ZNF385D: variants seen among roughly 807,000 people sequenced by gnomAD.
ZNF385D encodes zinc finger protein 659.
In ZNF385D, 15 loss-of-function variants were observed where a neutral mutation model predicts 35.8. The ratio of observed to expected loss-of-function variants is 0.42; its 90% CI spans 0.28 to 0.64. ZNF385D has a LOEUF of 0.64. Ranked by LOEUF, ZNF385D falls within the 30% of genes least tolerant of loss-of-function variation. ZNF385D has a pLI of 0.23. For synonymous variants in ZNF385D, 212 were observed against 186.8 expected, an observed-to-expected ratio of 1.13 and a Z score of -1.10; for missense variants, 474 against 494.6, an observed-to-expected ratio of 0.96 and a Z score of 0.39.
intron 2 of ZNF385D, among the ~76,000 whole-genome samples, chr3:22,229,248 T>A (rs573868218): frequency 1.3e-5 from 2 of 152,334 alleles, no homozygotes; most frequent in East Asian, 3.9e-4. Context: ...TTATGTTTGC[T>A]TTTGACTTTC....
At chr3:22,282,526 G>A (rs1053483285) in intron 2 of ZNF385D, among the ~76,000 whole-genome samples, 2 of 152,002 alleles carry the variant, frequency 1.3e-5, no homozygotes, top group African/African-American at 2.4e-5. Context: ...TAATTTCCAT[G>A]TGTTTGCATA....
intron 4 of ZNF385D, among the ~76,000 whole-genome samples, chr3:21,501,580 T>C (rs1706370418): frequency 6.6e-6 from 1 of 152,236 alleles, no homozygotes; most frequent in South Asian, 2.1e-4. Flanking sequence ...CACTTTTCCA[T>C]ATTGGAGACA....
intron 4 of ZNF385D, among the ~76,000 whole-genome samples, chr3:21,449,759 A>T (rs1452517732): frequency 2.0e-5 from 3 of 152,208 alleles, no homozygotes; most frequent in African/African-American, 7.2e-5. Flanking sequence ...AAGCCTTATC[A>T]TGGATGTGAG....
Position 22,266,474 on chromosome 3 carries a change from C to T in ZNF385D, c.107-97439G>A, listed in dbSNP as rs531172204. Among the ~76,000 whole-genome samples, 22 of 151,908 alleles carry T rather than the reference C, an allele frequency of 1.4e-4. 1 individual carries two copies. Among genetic ancestry groups the T allele is most frequent in the African/African-American group, 5.1e-4 (21 of 41,490 alleles). ...ACATAGTCAGCTGGCTGACTGCTAT[C>T]TTATTTAGCTTGAAGAAGCTACCAA... On this transcript the variant is annotated intron_variant, in intron 2 of 5. Transcript: ENST00000494108.
At chr3:22,294,479 G>A (rs1056849211) in intron 2 of ZNF385D, among the ~76,000 whole-genome samples, 2 of 152,136 alleles carry the variant, frequency 1.3e-5, no homozygotes, top group South Asian at 2.1e-4. Flanking sequence ...AATATATAAT[G>A]GGTATTATAT....
chr3:22,302,791 CAT>C (rs781352418), intron 2 of ZNF385D, among the ~76,000 whole-genome samples: 44 of 151,964 alleles, frequency 2.9e-4, no homozygotes, highest in Non-Finnish European at 4.6e-4. Context: ...AAAGGCCTCA[CAT>C]GTCTTTCATT....
chr3:21,571,142 G>T (rs763961689), intron 2 of ZNF385D, among the ~76,000 whole-genome samples: 5 of 152,072 alleles, frequency 3.3e-5, no homozygotes, highest in Non-Finnish European at 7.4e-5. Context: ...CAGCAATCAA[G>T]TCTCTCAGTC....
chr3:21,556,053 G>GTTTTTTTTTTTTTTT (rs1209768767), intron 3 of ZNF385D, among the ~76,000 whole-genome samples: 1 of 110,788 alleles, frequency 9.0e-6, no homozygotes, highest in African/African-American at 3.4e-5. Context: ...ACTTTTTGAC[G>GTTTTTTTTTTTTTTT]TTTTTTTTGT....
chr3:21,729,232 G>T (rs1376628061), intron 1 of ZNF385D, among the ~76,000 whole-genome samples: 2 of 152,034 alleles, frequency 1.3e-5, no homozygotes, highest in African/African-American at 4.8e-5. Flanking sequence ...TACACCTTGA[G>T]GCATAAAGAC....
chr3:21,565,256 C>A (rs62236133), intron 2 of ZNF385D, among the ~76,000 whole-genome samples: 1 of 151,852 alleles, frequency 6.6e-6, no homozygotes, highest in African/African-American at 2.4e-5. Flanking sequence ...AGAATGTTAA[C>A]CTGTGGACTT....
intron 2 of ZNF385D, among the ~76,000 whole-genome samples, chr3:21,617,540 A>ATT (rs559347134): frequency 2.1e-4 from 32 of 152,292 alleles, no homozygotes; most frequent in African/African-American, 7.7e-4. Context: ...TCCTCGGAAC[A>ATT]ACCCCACGAG....
chr3:21,786,386 G>A lies in ZNF385D; in HGVS notation c.326-121358C>T, dbSNP rs545684936. Among the ~76,000 whole-genome samples the A allele has an allele frequency of 3.1e-4, 47 of 152,206 alleles. No homozygotes were observed. The South Asian group carries it at 7.5e-3, about 24-fold the overall frequency. ...AACACAGTACTCCTTTAGGGAAGTC[G>A]GCATTTTTTTTTTCTTCGTTGTTTG... On this transcript the variant is annotated intron_variant, in intron 3 of 5. Coordinates refer to the ZNF385D transcript ENST00000494108.
chr3:21,788,064 G>A (rs1183861251), intron 3 of ZNF385D, among the ~76,000 whole-genome samples: 1 of 149,326 alleles, frequency 6.7e-6, no homozygotes, highest in African/African-American at 2.5e-5. Context: ...AAAGAATGAT[G>A]TGATGCAAAT....
intron 3 of ZNF385D, among the ~76,000 whole-genome samples, chr3:22,106,731 C>CT (rs1158542792): frequency 6.6e-6 from 1 of 152,160 alleles, no homozygotes; most frequent in Non-Finnish European, 1.5e-5. Context: ...TCCAGAATCC[C>CT]TACAAATTGC....
intron 2 of ZNF385D, among the ~76,000 whole-genome samples, chr3:22,193,949 T>C (rs1373931262): frequency 6.6e-6 from 1 of 152,120 alleles, no homozygotes; most frequent in African/African-American, 2.4e-5. Flanking sequence ...GGTAGTGCAT[T>C]TTTTCCTTAA....
chr3:21,455,391 T>C (rs751710729), intron 4 of ZNF385D, among the ~76,000 whole-genome samples: 2 of 152,066 alleles, frequency 1.3e-5, no homozygotes, highest in Non-Finnish European at 2.9e-5. Context: ...AACAGAGACA[T>C]AGACCAATGG....
At chr3:22,065,771 T>G (rs1699916104) in intron 3 of ZNF385D, among the ~76,000 whole-genome samples, 1 of 152,198 alleles carries the variant, frequency 6.6e-6, no homozygotes, top group Non-Finnish European at 1.5e-5. Context: ...CTATCATGAC[T>G]TAAGGGCACC....
At chr3:21,427,460 A>G (rs1701074795) in intron 5 of ZNF385D, among the ~76,000 whole-genome samples, 1 of 152,148 alleles carries the variant, frequency 6.6e-6, no homozygotes, top group Non-Finnish European at 1.5e-5. Context: ...CATAGGTGGA[A>G]GCTGAATGGG....
chr3:21,862,104 G>A (rs1374965149), intron 3 of ZNF385D, among the ~76,000 whole-genome samples: 1 of 152,006 alleles, frequency 6.6e-6, no homozygotes, highest in African/African-American at 2.4e-5. Context: ...AAGTAGAGTA[G>A]GTAGTAGGAC....
Sources: allele counts gnomAD v4.1 joint callset (sites outside exome capture counted in the v4.1 genomes callset), GRCh38; gene constraint gnomAD v4.1.1; transcripts MANE v1.5; gene names NCBI Gene and HGNC (gene_info 2026-07-23, HGNC 2026-07-21).